FRMD8: variants seen among roughly 807,000 people sequenced by gnomAD.
The protein encoded by FRMD8 is FERM domain containing 8.
FRMD8 carries 37 observed loss-of-function variants against 54.2 expected under a neutral mutation model. The observed-to-expected ratio is 0.68, with a 90% CI of 0.53 to 0.90. The LOEUF (loss-of-function observed/expected upper bound fraction) is 0.90, where lower values mean the gene tolerates loss of function less well. Among genes scored for constraint, FRMD8 ranks in the 40% least tolerant of loss-of-function variants. The pLI is 0.00. For synonymous variants in FRMD8, 246 were observed against 286.9 expected, an observed-to-expected ratio of 0.86 and a Z score of 1.44; for missense variants, 585 against 653.7, an observed-to-expected ratio of 0.89 and a Z score of 1.15.
At chr11:65,377,138 A>G in the FRMD8 span, 2 of 1,551,428 alleles carry the variant, frequency 1.3e-6, no homozygotes, top group East Asian at 2.3e-5. Context: ...GGCCCCTTAT[A>G]TTCACAAGAG....
the FRMD8 span, among the ~76,000 whole-genome samples, chr11:65,371,763 T>G: frequency 6.6e-6 from 1 of 152,160 alleles, no homozygotes; most frequent in Non-Finnish European, 1.5e-5. Context: ...TACAGGTGCG[T>G]GCCACCATGC....
At chr11:65,394,938 G>A (rs558670526) in intron 6 of FRMD8, among the ~76,000 whole-genome samples, 6 of 152,336 alleles carry the variant, frequency 3.9e-5, no homozygotes, top group African/African-American at 1.2e-4. Context: ...GGATTATCCC[G>A]AGGTTTAGAA....
chr11:65,397,106 T>C lies in FRMD8; in HGVS notation c.803+86T>C, dbSNP rs974320676. 6 of 714,760 alleles carry C rather than the reference T, an allele frequency of 8.4e-6. No homozygotes were observed. In the South Asian group the frequency reaches 1.4e-4, roughly 16 times the overall value. The allele number at this position is 714,760 out of a possible 1,614,324, so 44.3% of individuals were successfully genotyped here. A position where few individuals can be genotyped will look rare whatever the true frequency, so the allele number is the denominator to read the frequency against. Reference sequence around the variant, plus strand: ...GCACAGCTGCCAGTGAGCCCACCTCTGCTCCAGCTGAGCTGTGTCCCCATG... The same window carrying C: ...GCACAGCTGCCAGTGAGCCCACCTCCGCTCCAGCTGAGCTGTGTCCCCATG... On this transcript the variant is annotated intron_variant, in intron 7 of 10. Transcript: ENST00000317568.
At position 65,394,399 on chromosome 11, in the gene FRMD8, C is replaced by A; in HGVS notation, c.555C>A (p.Pro185=). Reference sequence around the variant, plus strand: ...GCGTGCAGCTTGGGCCCTACCAGCCCGGCCGGCCGGCAGCCTGCGACCTGA... The same window carrying A: ...GCGTGCAGCTTGGGCCCTACCAGCCAGGCCGGCCGGCAGCCTGCGACCTGA... The part of the protein sequence containing the change: ...VCRVQLGPYQ[P]GRPAACDLRE... Residue 185 remains proline, a synonymous_variant, in exon 6 of 11, where the codon CCC becomes CCA. Transcript: ENST00000317568. The A allele has an allele frequency of 6.4e-7, 1 of 1,569,114 alleles. No homozygotes were observed. The highest frequency in any genetic ancestry group is 2.4e-5 in the East Asian group (1 of 42,528).
At chr11:65,411,131 C>T in intron 10 of FRMD8, 111 bp from the exon 11 acceptor site, 1 of 805,348 alleles carries the variant, frequency 1.2e-6, no homozygotes, top group Non-Finnish European at 2.0e-6. Flanking sequence ...TCAGTCTGAC[C>T]AGGCTCTGGA....
chr11:65,391,454 A>C (rs1038174491), intron 3 of FRMD8, among the ~76,000 whole-genome samples: 16 of 152,258 alleles, frequency 1.1e-4, no homozygotes, highest in African/African-American at 3.9e-4. Context: ...GTGGTATTCT[A>C]GATGCTGGGA....
chr11:65,400,249 C>A lies in FRMD8; in HGVS notation c.927+390C>A, dbSNP rs1485302631. On this transcript the variant is annotated intron_variant, in intron 8 of 10. Transcript: ENST00000317568. The surrounding 1 kb of genome is among the most constrained non-coding windows in gnomAD (Gnocchi z 4.3). ...GTGGCCAGCCCTGGGTAGAGAGCCGCGTCAGCAGCCAGCCCTGTGGGGCAG... is the reference window on the plus strand; with the variant it reads ...GTGGCCAGCCCTGGGTAGAGAGCCGAGTCAGCAGCCAGCCCTGTGGGGCAG... 6.6e-6 allele frequency among the ~76,000 whole-genome samples: 1 copy of A among 152,216 alleles called. No homozygotes were observed. The highest frequency in any genetic ancestry group is 2.4e-5 in the African/African-American group (1 of 41,448).
At position 65,400,388 on chromosome 11, in the gene FRMD8, G is replaced by T. The variant is rs1432861789; in HGVS notation, c.928-336G>T. On this transcript the variant is annotated intron_variant, in intron 8 of 10. Transcript: ENST00000317568. The surrounding 1 kb of genome is among the most constrained non-coding windows in gnomAD (Gnocchi z 4.3). ...CCTGCTGCCATCTGTGTCCTGGGAG[G>T]CAGGGCCCAGCTCAGCCTCATGCTA... Among the ~76,000 whole-genome samples, 1 of 152,166 alleles carries T rather than the reference G, an allele frequency of 6.6e-6. No individual in the cohort carries two copies. The highest frequency in any genetic ancestry group is 1.5e-5 in the Non-Finnish European group (1 of 68,022).
chr11:65,410,607 G>T (rs1440398108), intron 10 of FRMD8, among the ~76,000 whole-genome samples: 1 of 152,092 alleles, frequency 6.6e-6, no homozygotes, highest in Admixed American at 6.6e-5. Flanking sequence ...TGGCTAACAC[G>T]GTGAAACCCC....
In FRMD8 at chr11:65,394,397, C is replaced by CCCGG. The variant is rs773657175; in HGVS notation, c.563_566dup (p.Ala190GlyfsTer19). 6 of 1,570,196 alleles carry CCCGG rather than the reference C, an allele frequency of 3.8e-6. No individual in the cohort carries two copies. Among genetic ancestry groups the CCCGG allele is most frequent in the Non-Finnish European group, 5.2e-6 (6 of 1,160,022 alleles). Reference sequence around the variant, plus strand: ...CCGCGTGCAGCTTGGGCCCTACCAGCCCGGCCGGCCGGCAGCCTGCGACCT... The same window carrying CCCGG: ...CCGCGTGCAGCTTGGGCCCTACCAGCCCGGCCGGCCGGCCGGCAGCCTGCGACCT... On this transcript the variant is annotated frameshift_variant, in exon 6 of 11. Transcript: ENST00000317568. LOFTEE classifies it high-confidence loss of function.
At chr11:65,368,673 C>T in the FRMD8 span, among the ~76,000 whole-genome samples, 4 of 152,202 alleles carry the variant, frequency 2.6e-5, no homozygotes, top group Non-Finnish European at 5.9e-5. Flanking sequence ...ACGCCATTCT[C>T]CTGCCTCAGC....
At chr11:65,384,432 C>A (rs1203327739), upstream of FRMD8, among the ~76,000 whole-genome samples, 2 of 152,076 alleles carry the variant, frequency 1.3e-5, no homozygotes, top group Non-Finnish European at 2.9e-5. Flanking sequence ...AGCCTCCCCA[C>A]CACCACCGCA....
At chr11:65,405,293 A>T (rs1856172104) in intron 10 of FRMD8, among the ~76,000 whole-genome samples, 1 of 152,214 alleles carries the variant, frequency 6.6e-6, no homozygotes, top group Admixed American at 6.5e-5. Context: ...ATTGTCCAGG[A>T]TGTGATCCGG....
intron 9 of FRMD8, among the ~76,000 whole-genome samples, chr11:65,403,306 C>G (rs1449826836): frequency 6.6e-6 from 1 of 152,210 alleles, no homozygotes; most frequent in African/African-American, 2.4e-5. Flanking sequence ...CCTCAGCCTC[C>G]TGAGTAGCTG....
chr11:65,394,096 C>T lies in FRMD8; in HGVS notation c.411C>T (p.Leu137=). ...TGTTCTTCCCAAAGCGGCGGGAGCT[C>T]CAGGTGAGGCAGGAGCCCTGGTGGC... ...RNVFFPKRRE[L]QIHDEEVLRL... Residue 137 remains leucine (L), a synonymous_variant, in exon 5 of 11, where the codon CTC becomes CTT. Coordinates refer to ENST00000317568, the MANE Select transcript of FRMD8 (RefSeq NM_031904.5). 6.2e-7 allele frequency: 1 copy of T among 1,613,932 alleles called. No individual in the cohort carries two copies. The highest frequency in any genetic ancestry group is 8.5e-7 in the Non-Finnish European group (1 of 1,179,908).
rs912079217 is a variant in FRMD8 at position 65,393,579 on chromosome 11, A to C, written c.260A>C (p.Gln87Pro). The change falls in exon 4 of 11, where the codon CAG becomes CCG. Residue 87 changes from glutamine (Q) to proline (P), a missense_variant. Gln to Pro is a moderately conservative substitution (Grantham distance 76). Coordinates refer to ENST00000317568, the MANE Select transcript of FRMD8 (RefSeq NM_031904.5). ...TCCCCATCTCGTCCTGCAGAGGTGC[A>C]GCTGAAACCCAAGCACCAGCCCTAC... ...LWLVSPLLEV[Q>P]LKPKHQPYKL... is the part of the protein sequence containing the mutation. 5 of 1,608,086 alleles carry C rather than the reference A, an allele frequency of 3.1e-6. No individual in the cohort carries two copies. Among genetic ancestry groups the C allele is most frequent in the Non-Finnish European group, 3.4e-6 (4 of 1,179,716 alleles).
chr11:65,409,493 A>G (rs1020492893), intron 10 of FRMD8, among the ~76,000 whole-genome samples: 5 of 152,090 alleles, frequency 3.3e-5, no homozygotes, highest in South Asian at 2.1e-4. Context: ...AAAATTAACA[A>G]TCTGGCCAGG....
chr11:65,407,767 G>C (rs1192400714), intron 10 of FRMD8, among the ~76,000 whole-genome samples: 1 of 151,762 alleles, frequency 6.6e-6, no homozygotes, highest in Non-Finnish European at 1.5e-5. Context: ...CGTGGTGGTG[G>C]GTGCCTGTAG....
the FRMD8 span, chr11:65,376,025 A>C: frequency 4.8e-6 from 1 of 207,920 alleles, no homozygotes; most frequent in Non-Finnish European, 9.5e-6. Context: ...AGCCGAGATC[A>C]CGCCACTGCA....
Sources: gnomAD v4.1 joint callset for allele counts (sites outside exome capture counted in the v4.1 genomes callset) on GRCh38, gnomAD v4.1.1 for gene constraint, Gnocchi (gnomAD v3.1) non-coding constraint, MANE v1.5 for transcripts, NCBI Gene and HGNC (gene_info 2026-07-23, HGNC 2026-07-21) for gene names.